Variants in ERC1 observed in about 807,000 individuals in gnomAD.
ERC1 encodes the protein RAB6 interacting protein 2.
Under a neutral mutation model 132.0 loss-of-function variants are expected in ERC1, and 56 were observed. The observed-to-expected ratio is 0.42, with a 90% confidence interval of 0.34 to 0.53. The LOEUF is 0.53. Ranked by LOEUF, ERC1 falls within the 20% of genes least tolerant of loss-of-function variation. ERC1 has a pLI of 0.03. For synonymous variants in ERC1, 478 were observed against 476.1 expected, an observed-to-expected ratio of 1.00 and a Z score of -0.05; for missense variants, 1,202 against 1,349.9, an observed-to-expected ratio of 0.89 and a Z score of 1.72.
chr12:1,144,650 G>GTATATA (rs750389201), intron 8 of ERC1, among the ~76,000 whole-genome samples: 8 of 140,350 alleles, frequency 5.7e-5, no homozygotes, highest in African/African-American at 1.7e-4. Flanking sequence ...ATATATATAC[G>GTATATA]TATATATATA....
Position 1,304,146 on chromosome 12 carries a change from T to C in ERC1, c.2780+14134T>C, listed in dbSNP as rs78946538. Among the ~76,000 whole-genome samples, 54 of 152,246 alleles carry C rather than the reference T, an allele frequency of 3.5e-4. 1 individual carries two copies. Among genetic ancestry groups the C allele is most frequent in the African/African-American group, 1.3e-3 (54 of 41,522 alleles). ...TTTGTTGTGGAGTTCACAGTATTAT[T>C]GTATTGTGGTGAAAAAACATAGTCT... is the stretch of plus-strand genomic sequence containing the variant. On this transcript the variant is annotated intron_variant, in intron 15 of 18. Coordinates refer to ENST00000360905, the MANE Select transcript of ERC1 (RefSeq NM_178040.4).
intron 14 of ERC1, among the ~76,000 whole-genome samples, chr12:1,273,330 T>A (rs1164524876): frequency 1.3e-5 from 2 of 152,230 alleles, no homozygotes; most frequent in East Asian, 1.9e-4. Context: ...ACAAATCATC[T>A]TCTTAGTAGC....
intron 1 of ERC1, among the ~76,000 whole-genome samples, chr12:1,007,493 T>TGGGTAA (rs1963881849): frequency 7.3e-6 from 1 of 137,742 alleles, no homozygotes; most frequent in Non-Finnish European, 1.6e-5. Flanking sequence ...TCTCTCTCTC[T>TGGGTAA]TTCTCTCTCT....
chr12:1,137,944 ATATT>A (rs1026548999), intron 7 of ERC1, among the ~76,000 whole-genome samples: 2 of 138,072 alleles, frequency 1.4e-5, no homozygotes, highest in African/African-American at 5.4e-5. Flanking sequence ...AATATATAAT[ATATT>A]TATATAAATT....
chr12:1,469,505 G>T (rs1246599616), intron 18 of ERC1, among the ~76,000 whole-genome samples: 1 of 152,276 alleles, frequency 6.6e-6, no homozygotes, highest in East Asian at 1.9e-4. Flanking sequence ...GGTCCTTCCA[G>T]AGTGCTTGCT....
At chr12:1,261,053 A>G (rs1337991985) in intron 13 of ERC1, among the ~76,000 whole-genome samples, 1 of 152,208 alleles carries the variant, frequency 6.6e-6, no homozygotes, top group Non-Finnish European at 1.5e-5. Context: ...AAACACTATG[A>G]AACTTGATTC....
chr12:1,021,407 C>T (rs2154145451), intron 1 of ERC1, among the ~76,000 whole-genome samples: 2 of 152,002 alleles, frequency 1.3e-5, no homozygotes, highest in East Asian at 3.9e-4. Flanking sequence ...TTACTACTTA[C>T]TATAAAAGTG....
chr12:1,139,274 G>A (rs767454037), intron 7 of ERC1, among the ~76,000 whole-genome samples: 10 of 152,024 alleles, frequency 6.6e-5, no homozygotes, highest in Non-Finnish European at 1.3e-4. Context: ...GTGTATCCAC[G>A]TACCCACACT....
chr12:1,138,326 TATATA>T (rs1006888329), intron 7 of ERC1, among the ~76,000 whole-genome samples: 6 of 140,700 alleles, frequency 4.3e-5, no homozygotes, highest in Non-Finnish European at 7.6e-5. Flanking sequence ...ACATATGTTG[TATATA>T]ATATATGTTA....
chr12:1,138,620 G>A (rs527328027), intron 7 of ERC1, among the ~76,000 whole-genome samples: 1 of 151,874 alleles, frequency 6.6e-6, no homozygotes, highest in African/African-American at 2.4e-5. Flanking sequence ...TTTTTTAAGT[G>A]GTAGAGGGTT....
intron 16 of ERC1, among the ~76,000 whole-genome samples, chr12:1,384,706 T>A (rs560955784): frequency 1.3e-5 from 2 of 152,178 alleles, no homozygotes; most frequent in African/African-American, 4.8e-5. Context: ...TTTTATGAAA[T>A]ATAAGAATTT....
intron 17 of ERC1, among the ~76,000 whole-genome samples, chr12:1,418,611 CTTTCTT>C (rs2092258328): frequency 1.9e-5 from 2 of 105,510 alleles, no homozygotes; most frequent in South Asian, 2.8e-4. Flanking sequence ...TTCTTTCTTT[CTTTCTT>C]TCTTTCTTTC....
chr12:1,136,724 T>C (rs1202281294), intron 7 of ERC1, among the ~76,000 whole-genome samples: 4 of 152,224 alleles, frequency 2.6e-5, no homozygotes, highest in Non-Finnish European at 5.9e-5. Flanking sequence ...TGTTACTTTA[T>C]GCCAAGCAAT....
At chr12:1,394,162 A>G (rs184293375) in intron 16 of ERC1, among the ~76,000 whole-genome samples, 1 of 151,706 alleles carries the variant, frequency 6.6e-6, no homozygotes, top group Non-Finnish European at 1.5e-5. Flanking sequence ...GCACTTTGGG[A>G]GGCCAAGGCG....
chr12:1,057,396 G>T (rs1208454943), intron 2 of ERC1, among the ~76,000 whole-genome samples: 1 of 152,044 alleles, frequency 6.6e-6, no homozygotes, highest in African/African-American at 2.4e-5. Context: ...AAAGCGCTGG[G>T]CTTACAGGCA....
chr12:1,166,227 A>T (rs111860437), intron 8 of ERC1, among the ~76,000 whole-genome samples: 1 of 151,992 alleles, frequency 6.6e-6, no homozygotes, highest in African/African-American at 2.4e-5. Flanking sequence ...GCATCATGGG[A>T]TGGGTCTTTC....
intron 2 of ERC1, among the ~76,000 whole-genome samples, chr12:1,075,536 C>G (rs1411207108): frequency 1.3e-5 from 2 of 152,086 alleles, no homozygotes; most frequent in Non-Finnish European, 2.9e-5. Flanking sequence ...ACTAAAAATA[C>G]AAACATTAGC....
chr12:1,474,240 A>G (rs1486137413), intron 18 of ERC1, among the ~76,000 whole-genome samples: 1 of 152,186 alleles, frequency 6.6e-6, no homozygotes, highest in Admixed American at 6.5e-5. Context: ...TAGAACCTCA[A>G]GTTTAGATTC....
intron 16 of ERC1, among the ~76,000 whole-genome samples, chr12:1,394,687 C>T (rs541112836): frequency 1.3e-5 from 2 of 152,292 alleles, no homozygotes; most frequent in African/African-American, 4.8e-5. Context: ...TCTCTCCTGC[C>T]ACCATGTAGA....
Sources: gnomAD v4.1 joint callset for allele counts (sites outside exome capture counted in the v4.1 genomes callset) on GRCh38, gnomAD v4.1.1 for gene constraint, MANE v1.5 for transcripts, NCBI Gene and HGNC (gene_info 2026-07-23, HGNC 2026-07-21) for gene names.